ZFAT: variants seen among roughly 807,000 people sequenced by gnomAD.
The protein encoded by ZFAT is zinc finger protein ZFAT.
ZFAT carries 64 observed loss-of-function variants against 117.7 expected under a neutral mutation model. That is an observed-to-expected ratio of 0.54 (90% CI 0.44 to 0.67). The LOEUF is 0.67. Ranked by LOEUF, ZFAT falls within the 30% of genes least tolerant of loss-of-function variation. The probability of loss-of-function intolerance (pLI) is 0.00; values close to 1 mark genes in which losing one functional copy is unlikely to be tolerated. For missense variants in ZFAT, 1,433 were observed against 1,584.5 expected (o/e 0.90, Z 1.62); for synonymous variants, 679 against 615.0 (o/e 1.10, Z -1.54).
chr8:134,758,007 C>T, the ZFAT span, among the ~76,000 whole-genome samples: 1 of 152,224 alleles, frequency 6.6e-6, no homozygotes, highest in Non-Finnish European at 1.5e-5. Flanking sequence ...ATTTCAAAAC[C>T]TATATTCTGT....
chr8:134,561,954 G>A (rs577316458), intron 11 of ZFAT, among the ~76,000 whole-genome samples: 1 of 152,266 alleles, frequency 6.6e-6, no homozygotes, highest in East Asian at 1.9e-4. Context: ...CCGTAAATAT[G>A]TTACCTTGCA....
rs548762525 is a variant in ZFAT, at chr8:134,478,736, C to A, written c.3493-15G>T. 3 of 1,544,398 alleles carry A rather than the reference C, an allele frequency of 1.9e-6. No homozygotes were observed. Among genetic ancestry groups the A allele is most frequent in the Admixed American group, 3.9e-5 (2 of 51,386 alleles). ...TCCTCGGTGACCTGCGGGAGGAGGG[C>A]AAGAGAAAGGTCACCCAGCGCCTAC... is the stretch of plus-strand genomic sequence containing the variant. On this transcript the variant is annotated splice_polypyrimidine_tract_variant and intron_variant, in intron 15 of 15. Transcript: ENST00000377838. The surrounding 1 kb of genome is among the most constrained non-coding windows in gnomAD (Gnocchi z 5.2).
At chr8:134,818,594 G>A in the ZFAT span, among the ~76,000 whole-genome samples, 5 of 152,162 alleles carry the variant, frequency 3.3e-5, no homozygotes, top group African/African-American at 1.2e-4. Context: ...CTACTCCTAG[G>A]TGTATGCCCA....
rs1284188607 is a variant in ZFAT at position 134,601,741 on chromosome 8, T to C, written c.1978A>G (p.Met660Val). 1.2e-6 allele frequency: 2 copies of C among 1,613,356 alleles called. No homozygotes were observed. The highest frequency in any genetic ancestry group is 1.3e-5 in the African/African-American group (1 of 74,916). ...AQSPLGEGQN[M>V]AVLSAGDPDP... is the part of the protein sequence containing the mutation. ...GGGTCACCAGCTGAAAGCACAGCCATGTTCTGCCCTTCCCCTAGGGGGCTC... is the reference window on the plus strand; with the variant it reads ...GGGTCACCAGCTGAAAGCACAGCCACGTTCTGCCCTTCCCCTAGGGGGCTC... Residue 660 changes from methionine to valine, a missense_variant, in exon 6 of 16, where the codon ATG becomes GTG. This residue lies in a region of ZFAT where 372 missense variants were observed against 355.6 expected (regional missense o/e 1.05). Transcript: ENST00000377838.
chr8:134,731,406 T>C, the ZFAT span, among the ~76,000 whole-genome samples: 1 of 152,262 alleles, frequency 6.6e-6, no homozygotes, highest in Non-Finnish European at 1.5e-5. Flanking sequence ...TGGAATATTA[T>C]ACAGAAATCA....
intron 1 of ZFAT, among the ~76,000 whole-genome samples, chr8:134,676,789 A>C (rs1487645521): frequency 6.6e-6 from 1 of 152,246 alleles, no homozygotes; most frequent in African/African-American, 2.4e-5. Context: ...AGGATTAAGA[A>C]ACTCACTCAA....
the ZFAT span, among the ~76,000 whole-genome samples, chr8:134,777,520 T>C: frequency 2.0e-5 from 3 of 152,172 alleles, no homozygotes; most frequent in African/African-American, 7.2e-5. Context: ...TGTCTTAAAA[T>C]GGAGGTAGCC....
At chr8:134,808,575 G>A in the ZFAT span, among the ~76,000 whole-genome samples, 13 of 152,144 alleles carry the variant, frequency 8.5e-5, no homozygotes, top group African/African-American at 2.4e-5. Flanking sequence ...CACAGGGAAT[G>A]GTAACGTCTG....
upstream of ZFAT, among the ~76,000 whole-genome samples, chr8:134,714,086 G>A (rs1391060980): frequency 1.4e-5 from 2 of 148,092 alleles, no homozygotes; most frequent in African/African-American, 5.0e-5. Context: ...ACTTAAAATG[G>A]TGTACATGCT....
the ZFAT span, among the ~76,000 whole-genome samples, chr8:134,820,604 G>C: frequency 6.6e-6 from 1 of 152,218 alleles, no homozygotes; most frequent in Non-Finnish European, 1.5e-5. Context: ...AGTCATGCTG[G>C]TTCCATGACA....
the ZFAT span, among the ~76,000 whole-genome samples, chr8:134,810,775 CA>C: frequency 6.6e-6 from 1 of 152,164 alleles, no homozygotes; most frequent in Non-Finnish European, 1.5e-5. Context: ...AACAGTAATG[CA>C]ATGTGCAGAT....
intron 4 of ZFAT, 91 bp downstream of exon 4, chr8:134,610,379 C>G: frequency 7.2e-7 from 1 of 1,379,894 alleles, no homozygotes. Context: ...TGCACCAGCT[C>G]TGTGTTCTGA....
the ZFAT span, among the ~76,000 whole-genome samples, chr8:134,773,691 C>T: frequency 6.6e-6 from 1 of 152,072 alleles, no homozygotes; most frequent in Non-Finnish European, 1.5e-5. Flanking sequence ...GAGTTCCAAA[C>T]CTTATGGATG....
chr8:134,695,070 G>A (rs888258573), intron 1 of ZFAT, among the ~76,000 whole-genome samples: 5 of 151,516 alleles, frequency 3.3e-5, no homozygotes, highest in Non-Finnish European at 7.3e-5. Context: ...CAGGGCTTCA[G>A]GGGAGGGAGC....
chr8:134,491,391 A>C (rs1231320700), intron 15 of ZFAT, among the ~76,000 whole-genome samples: 2 of 152,202 alleles, frequency 1.3e-5, no homozygotes, highest in Non-Finnish European at 2.9e-5. Flanking sequence ...ACCTGACCAC[A>C]TTGTTAGGTT....
chr8:134,812,904 A>G, the ZFAT span, among the ~76,000 whole-genome samples: 1 of 152,144 alleles, frequency 6.6e-6, no homozygotes, highest in African/African-American at 2.4e-5. Flanking sequence ...TCTTTTTGTA[A>G]ATGAGAAATG....
intron 11 of ZFAT, among the ~76,000 whole-genome samples, chr8:134,550,130 A>G (rs1398823638): frequency 6.6e-6 from 1 of 152,098 alleles, no homozygotes; most frequent in East Asian, 1.9e-4. Context: ...GGTAGGTCAC[A>G]CTCTGGTCTA....
At chr8:134,587,421 C>T (rs1826147833) in intron 9 of ZFAT, among the ~76,000 whole-genome samples, 1 of 152,148 alleles carries the variant, frequency 6.6e-6, no homozygotes, top group Non-Finnish European at 1.5e-5. Flanking sequence ...TAGTTCCTTC[C>T]CTGGGACCTA....
chr8:134,689,754 G>A (rs917971302), intron 1 of ZFAT, among the ~76,000 whole-genome samples: 3 of 152,176 alleles, frequency 2.0e-5, no homozygotes, highest in South Asian at 2.1e-4. Context: ...CACCAGGGAC[G>A]CCTCCTAGAC....
Sources: allele counts gnomAD v4.1 joint callset (sites outside exome capture counted in the v4.1 genomes callset), GRCh38; gene constraint gnomAD v4.1.1; regional missense constraint gnomAD v4.1.1; non-coding constraint Gnocchi (gnomAD v3.1); transcripts MANE v1.5; gene names NCBI Gene and HGNC (gene_info 2026-07-23, HGNC 2026-07-21).